Variants in TM7SF3 observed in about 807,000 individuals in gnomAD.
TM7SF3 encodes transmembrane 7 superfamily member 3.
A neutral mutation model predicts 65.5 loss-of-function variants in TM7SF3; 60 were observed. The ratio of observed to expected loss-of-function variants is 0.92; its 90% CI spans 0.74 to 1.14. TM7SF3 has a LOEUF of 1.14. TM7SF3 is among the 50% of genes most tolerant of loss of function. The probability of loss-of-function intolerance (pLI) is 0.00; values close to 1 mark genes in which losing one functional copy is unlikely to be tolerated. For missense variants in TM7SF3, 623 were observed against 684.8 expected (o/e 0.91, Z 1.01); for synonymous variants, 264 against 259.6 (o/e 1.02, Z -0.16).
Position 27,014,058 on chromosome 12 carries a change from G to A in TM7SF3, c.91+20C>T. On this transcript the variant is annotated intron_variant, in intron 1 of 11. Transcript: ENST00000343028. ...GCAAAAGCAACTTTGGGTTGCAGAAGCCAGGCGCCCCGACCTTACCCTCGC... is the reference window on the plus strand; with the variant it reads ...GCAAAAGCAACTTTGGGTTGCAGAAACCAGGCGCCCCGACCTTACCCTCGC... 6.4e-7 allele frequency: 1 copy of A among 1,553,620 alleles called. No individual in the cohort carries two copies. The highest frequency in any genetic ancestry group is 1.2e-5 in the South Asian group (1 of 84,376).
At chr12:26,980,965 G>A (rs1013006112) in intron 7 of TM7SF3, among the ~76,000 whole-genome samples, 1 of 152,014 alleles carries the variant, frequency 6.6e-6, no homozygotes. Flanking sequence ...TATGTTTTCT[G>A]CTTAAAATAA....
chr12:27,005,768 T>C (rs1396209503), intron 1 of TM7SF3, among the ~76,000 whole-genome samples: 2 of 151,996 alleles, frequency 1.3e-5, no homozygotes, highest in African/African-American at 4.8e-5. Context: ...TAGGGGGGTA[T>C]TAAAAGCAGG....
chr12:26,996,997 G>A (rs748275613), intron 3 of TM7SF3, 135 bp from the exon 4 acceptor site: 7 of 996,352 alleles, frequency 7.0e-6, no homozygotes, highest in South Asian at 3.6e-5. Flanking sequence ...GCTTCTAGTC[G>A]TATACTATTT....
intron 4 of TM7SF3, among the ~76,000 whole-genome samples, chr12:26,996,072 G>T (rs1341990355): frequency 1.3e-5 from 2 of 151,954 alleles, no homozygotes; most frequent in Non-Finnish European, 2.9e-5. Flanking sequence ...CCAGCACTTT[G>T]GGAGGCTGAA....
At chr12:27,002,771 G>T (rs1009621257) in intron 2 of TM7SF3, among the ~76,000 whole-genome samples, 1 of 152,176 alleles carries the variant, frequency 6.6e-6, no homozygotes, top group Admixed American at 6.5e-5. Context: ...TGGATGAACT[G>T]AGCACTATAA....
Position 26,976,351 on chromosome 12 carries a change from AG to A in TM7SF3, c.1195del (p.Leu399Ter), listed in dbSNP as rs1422974829. 8 of 1,612,926 alleles carry A rather than the reference AG, an allele frequency of 5.0e-6. No individual in the cohort carries two copies. In the Admixed American group the frequency reaches 8.3e-5, roughly 17 times the overall value. On this transcript the variant is annotated frameshift_variant, in exon 10 of 12. Coordinates refer to ENST00000343028, the MANE Select transcript of TM7SF3 (RefSeq NM_016551.3). LOFTEE classifies it high-confidence loss of function. ...TACACCATCATCATGAAAAATCTTT[AG>A]GTTTCCTGAAAAAGCAAAAAGAAAC... ...SVTFFTPLGN[L>X]KIFHDDGVFW...
intron 3 of TM7SF3, among the ~76,000 whole-genome samples, chr12:26,997,105 G>C (rs1428013737): frequency 6.6e-6 from 1 of 152,234 alleles, no homozygotes; most frequent in Non-Finnish European, 1.5e-5. Context: ...TAGTATTTTA[G>C]GCTTTGTCAG....
intron 9 of TM7SF3, chr12:26,979,251 A>AAC (rs1368601973): frequency 6.6e-6 from 1 of 152,332 alleles, no homozygotes; most frequent in Non-Finnish European, 1.5e-5. Context: ...TAAGTTATTA[A>AAC]ACAATGGCAA....
At chr12:26,979,100 A>C (rs1224332997) in intron 9 of TM7SF3, 1 of 152,260 alleles carries the variant, frequency 6.6e-6, no homozygotes, top group Non-Finnish European at 1.5e-5. Context: ...AGCCTCATGA[A>C]ATGGCTATTT....
At chr12:26,987,410 C>T (rs902695741) in intron 6 of TM7SF3, among the ~76,000 whole-genome samples, 2 of 152,168 alleles carry the variant, frequency 1.3e-5, no homozygotes, top group African/African-American at 4.8e-5. Context: ...GTCCTTTACA[C>T]CTCTTTCTCT....
chr12:26,972,346 C>G lies in TM7SF3; in HGVS notation c.*1619G>C, dbSNP rs1939395137. The stretch of plus-strand genomic sequence containing the variant: ...TTAAAAACTATATTTTACACTAATG[C>G]TAACAGCTAATTGAGCAGAAAGAAC... On this transcript the variant is annotated 3_prime_UTR_variant, in exon 12 of 12. Coordinates refer to ENST00000343028, the MANE Select transcript of TM7SF3 (RefSeq NM_016551.3). 6.6e-6 allele frequency: 1 copy of G among 152,044 alleles called. No individual in the cohort carries two copies. Among genetic ancestry groups the G allele is most frequent in the Non-Finnish European group, 1.5e-5 (1 of 68,020 alleles). The allele number at this position is 152,044 out of a possible 1,614,324, so 9.4% of individuals were successfully genotyped here. A position where few individuals can be genotyped will look rare whatever the true frequency, so the allele number is the denominator to read the frequency against.
chr12:26,999,168 G>A lies in TM7SF3; in HGVS notation c.397+358C>T, dbSNP rs952233201. Among the ~76,000 whole-genome samples the A allele has an allele frequency of 2.2e-4, 33 of 151,944 alleles. 1 individual carries two copies. Among genetic ancestry groups the A allele is most frequent in the Admixed American group, 3.3e-4 (5 of 15,272 alleles). ...TCCCAGCACTTTGGGAGGCTGAGGC[G>A]GGCGAATCACAAGGTCAGGAGTTCG... On this transcript the variant is annotated intron_variant, in intron 3 of 11. Coordinates refer to ENST00000343028, the MANE Select transcript of TM7SF3 (RefSeq NM_016551.3).
Position 26,973,889 on chromosome 12 carries a change from A to C in TM7SF3, c.*76T>G. 6.5e-7 allele frequency: 1 copy of C among 1,538,692 alleles called. No individual in the cohort carries two copies. Among genetic ancestry groups the C allele is most frequent in the Non-Finnish European group, 8.7e-7 (1 of 1,144,070 alleles). On this transcript the variant is annotated 3_prime_UTR_variant, in exon 12 of 12. Transcript: ENST00000343028. ...ATATATATGCCTGATCTCTTATTAG[A>C]CTTGCACCAGAGACTGTTGAACCAC...
At chr12:26,987,679 C>T (rs1418952571) in intron 6 of TM7SF3, among the ~76,000 whole-genome samples, 1 of 152,158 alleles carries the variant, frequency 6.6e-6, no homozygotes, top group Non-Finnish European at 1.5e-5. Context: ...CACCATTTGG[C>T]AACCACCTAG....
At chr12:26,977,413 G>A (rs1425512077) in intron 9 of TM7SF3, among the ~76,000 whole-genome samples, 5 of 152,224 alleles carry the variant, frequency 3.3e-5, no homozygotes, top group African/African-American at 9.6e-5. Flanking sequence ...TAATCAGATT[G>A]TAGTGGTCAG....
At chr12:27,012,991 C>G (rs1377801035) in intron 1 of TM7SF3, 1 of 115,156 alleles carries the variant, frequency 8.7e-6, no homozygotes, top group Non-Finnish European at 1.8e-5. Flanking sequence ...GAGCGAGACT[C>G]CGTCAAAAAA....
intron 6 of TM7SF3, among the ~76,000 whole-genome samples, chr12:26,984,058 CACAG>C (rs1939933764): frequency 6.6e-6 from 1 of 152,148 alleles, no homozygotes. Context: ...AAATAAGAAA[CACAG>C]ACAGAAGAGC....
chr12:27,013,584 C>A (rs1485614418), intron 1 of TM7SF3, among the ~76,000 whole-genome samples: 1 of 152,098 alleles, frequency 6.6e-6, no homozygotes, highest in Non-Finnish European at 1.5e-5. Flanking sequence ...AAAAATAAAG[C>A]CTCATTATGG....
rs1471118752 is a variant in TM7SF3 at position 26,975,620 on chromosome 12, C to T, written c.1326G>A (p.Ser442=). The T allele has an allele frequency of 3.1e-6, 5 of 1,613,874 alleles. No individual in the cohort carries two copies. The highest frequency in any genetic ancestry group is 2.2e-5 in the South Asian group (2 of 91,070). ...AGTAACTGTCAATGGCTAAAACCACCGAATAGGAGCCAATGACTCCACAAG... is the reference window on the plus strand; with the variant it reads ...AGTAACTGTCAATGGCTAAAACCACTGAATAGGAGCCAATGACTCCACAAG... ...ILTCGVIGSY[S]VVLAIDSYWS... is the part of the protein sequence containing the mutation. The change falls in exon 11 of 12, where the codon TCG becomes TCA. Residue 442 remains serine (S), a synonymous_variant. Transcript: ENST00000343028.
Sources: allele counts gnomAD v4.1 joint callset (sites outside exome capture counted in the v4.1 genomes callset), GRCh38; gene constraint gnomAD v4.1.1; transcripts MANE v1.5; gene names NCBI Gene and HGNC (gene_info 2026-07-23, HGNC 2026-07-21).